MTUS2: variants seen among roughly 807,000 people sequenced by gnomAD.
The protein encoded by MTUS2 is microtubule-associated tumor suppressor candidate 2.
MTUS2 carries 40 observed loss-of-function variants against 114.1 expected under a neutral mutation model. That is an observed-to-expected ratio of 0.35 (90% confidence interval 0.27 to 0.46). The LOEUF (loss-of-function observed/expected upper bound fraction) is 0.46, where lower values mean the gene tolerates loss of function less well. Among genes scored for constraint, MTUS2 ranks in the 20% least tolerant of loss-of-function variants. MTUS2 has a pLI of 1.00. For missense variants in MTUS2, 1,679 were observed against 1,705.4 expected (o/e 0.98, Z 0.27); for synonymous variants, 688 against 672.0 (o/e 1.02, Z -0.37).
intron 9 of MTUS2, among the ~76,000 whole-genome samples, chr13:29,468,320 T>C (rs931026976): frequency 2.0e-5 from 3 of 152,082 alleles, no homozygotes; most frequent in African/African-American, 7.2e-5. Flanking sequence ...GGCTCACGCC[T>C]GTAATCCCAG....
At chr13:29,158,308 A>G (rs1892947827) in intron 5 of MTUS2, among the ~76,000 whole-genome samples, 1 of 146,050 alleles carries the variant, frequency 6.8e-6, no homozygotes, top group Non-Finnish European at 1.5e-5. Flanking sequence ...CCACAATTCC[A>G]CGAGATAGGT....
chr13:29,180,592 C>T (rs1464598202), intron 5 of MTUS2, among the ~76,000 whole-genome samples: 1 of 152,158 alleles, frequency 6.6e-6, no homozygotes, highest in Non-Finnish European at 1.5e-5. Context: ...TAGCATGTGA[C>T]ACCGTGCTTC....
chr13:28,915,700 C>T (rs1880706994), intron 2 of MTUS2, among the ~76,000 whole-genome samples: 1 of 151,840 alleles, frequency 6.6e-6, no homozygotes. Flanking sequence ...GGTTATTAAT[C>T]CCTTTTCAGA....
rs547265728 is a variant in MTUS2, at chr13:29,026,480, C to T, written c.1782C>T (p.Pro594=). Residue 594 remains proline, a synonymous_variant, in exon 3 of 16, where the codon CCC becomes CCT. Coordinates refer to ENST00000612955, the MANE Select transcript of MTUS2 (RefSeq NM_001033602.4). ...SPKVPDKNTC[P]SGIPKPVFTH... ...AAGTGCCTGACAAGAACACTTGCCC[C>T]AGTGGGATCCCCAAGCCTGTCTTCA... 1.2e-6 allele frequency: 2 copies of T among 1,613,982 alleles called. No individual in the cohort carries two copies. Among genetic ancestry groups the T allele is most frequent in the South Asian group, 2.2e-5 (2 of 91,080 alleles).
chr13:29,213,282 C>T (rs1202541768), intron 5 of MTUS2, among the ~76,000 whole-genome samples: 1 of 152,204 alleles, frequency 6.6e-6, no homozygotes, highest in East Asian at 1.9e-4. Flanking sequence ...TCTTGGTAAA[C>T]ATTTCATGCC....
At chr13:29,035,319 T>G (rs1347889732) in intron 4 of MTUS2, among the ~76,000 whole-genome samples, 1 of 152,224 alleles carries the variant, frequency 6.6e-6, no homozygotes, top group Non-Finnish European at 1.5e-5. Flanking sequence ...GCATGGAAGA[T>G]GTCACATGCC....
At position 29,497,272 on chromosome 13, in the gene MTUS2, C is replaced by A. The variant is rs1240522730; in HGVS notation, c.3614C>A (p.Ser1205Tyr). 7 of 1,612,056 alleles carry A rather than the reference C, an allele frequency of 4.3e-6. No individual in the cohort carries two copies. The Admixed American group carries it at 6.7e-5, about 15-fold the overall frequency. ...GACACGCTGACCTTCCAGAGCCAGT[C>A]TCTGCGGGACAGAGCCCGCCGCTTC... ...QVDTLTFQSQ[S>Y]LRDRARRFEE... Residue 1205 changes from serine (S) to tyrosine (Y), a missense_variant, in exon 13 of 16, where the codon TCT becomes TAT. Coordinates refer to ENST00000612955, the MANE Select transcript of MTUS2 (RefSeq NM_001033602.4).
intron 2 of MTUS2, among the ~76,000 whole-genome samples, chr13:28,844,445 T>C (rs978362769): frequency 6.6e-6 from 1 of 151,012 alleles, no homozygotes; most frequent in Non-Finnish European, 1.5e-5. Context: ...GTGTATTTAA[T>C]GTTCAGTTGC....
At chr13:29,308,366 A>G (rs1437102345) in intron 6 of MTUS2, among the ~76,000 whole-genome samples, 4 of 152,228 alleles carry the variant, frequency 2.6e-5, no homozygotes, top group Admixed American at 1.3e-4. Context: ...CAGAAAAACG[A>G]AAATGGACCC....
intron 2 of MTUS2, among the ~76,000 whole-genome samples, chr13:28,981,397 A>AG (rs1471582770): frequency 6.6e-6 from 1 of 152,132 alleles, no homozygotes; most frequent in Non-Finnish European, 1.5e-5. Context: ...CCAGGGGCTG[A>AG]GGGCACAGGG....
At position 29,452,688 on chromosome 13, in the gene MTUS2, C is replaced by T. The variant is rs1878807247; in HGVS notation, c.3184+12639C>T. Among the ~76,000 whole-genome samples the T allele has an allele frequency of 5.3e-5, 8 of 151,924 alleles. No individual in the cohort carries two copies. The South Asian group carries it at 1.7e-3, about 32-fold the overall frequency. Reference sequence around the variant, plus strand: ...CGAACTCCTGGACTCAAATGATCCTCCTGCCTCAGCCTCCCAAAGTGCTGG... The same window carrying T: ...CGAACTCCTGGACTCAAATGATCCTTCTGCCTCAGCCTCCCAAAGTGCTGG... On this transcript the variant is annotated intron_variant, in intron 9 of 15. Coordinates refer to ENST00000612955, the MANE Select transcript of MTUS2 (RefSeq NM_001033602.4).
intron 5 of MTUS2, among the ~76,000 whole-genome samples, chr13:29,121,405 C>T (rs1219071661): frequency 6.6e-6 from 1 of 151,040 alleles, no homozygotes. Context: ...CTCCTTATTT[C>T]CCTATATCAA....
chr13:29,117,108 T>C (rs1289300321), intron 5 of MTUS2, among the ~76,000 whole-genome samples: 2 of 152,198 alleles, frequency 1.3e-5, no homozygotes, highest in Non-Finnish European at 2.9e-5. Context: ...CATGATACTT[T>C]CTCTAGTTTG....
intron 2 of MTUS2, among the ~76,000 whole-genome samples, chr13:29,010,180 C>T (rs958937493): frequency 7.6e-5 from 11 of 144,964 alleles, no homozygotes; most frequent in Non-Finnish European, 1.5e-4. Flanking sequence ...CACTGCACTC[C>T]AGCCTGGGCG....
At chr13:29,255,142 C>T (rs1057016946) in intron 5 of MTUS2, among the ~76,000 whole-genome samples, 28 of 152,170 alleles carry the variant, frequency 1.8e-4, no homozygotes, top group Admixed American at 1.8e-3. Context: ...ACAGCAGCCC[C>T]TGTAATTGCA....
rs1593326848 is a variant in MTUS2, at chr13:29,343,477, A to G, written c.2906-15785A>G. ...ATAGTAGCCTGGAATGATCTTTTGT[A>G]TCTCTGTGGTATCAGTTATAGTATC... On this transcript the variant is annotated intron_variant, in intron 7 of 15. Coordinates refer to ENST00000612955, the MANE Select transcript of MTUS2 (RefSeq NM_001033602.4). Among the ~76,000 whole-genome samples, 6 of 151,704 alleles carry G rather than the reference A, an allele frequency of 4.0e-5. No homozygotes were observed. The East Asian group carries it at 9.7e-4, about 25-fold the overall frequency.
chr13:29,488,442 T>TC (rs968507525), intron 11 of MTUS2, among the ~76,000 whole-genome samples: 2 of 145,394 alleles, frequency 1.4e-5, no homozygotes, highest in African/African-American at 5.1e-5. Flanking sequence ...TTCCTCTTTT[T>TC]TTTTTTTTTT....
chr13:29,178,508 G>T (rs1893867336), intron 5 of MTUS2, among the ~76,000 whole-genome samples: 2 of 152,062 alleles, frequency 1.3e-5, no homozygotes, highest in African/African-American at 4.8e-5. Context: ...ATTCTTCGCT[G>T]TTGGGGGCTG....
chr13:29,438,503 T>C (rs1455478470), intron 8 of MTUS2, among the ~76,000 whole-genome samples: 1 of 152,184 alleles, frequency 6.6e-6, no homozygotes, highest in Non-Finnish European at 1.5e-5. Flanking sequence ...TAGTACCTTC[T>C]GGCTGTATCC....
Sources: allele counts gnomAD v4.1 joint callset (sites outside exome capture counted in the v4.1 genomes callset), GRCh38; gene constraint gnomAD v4.1.1; transcripts MANE v1.5; gene names NCBI Gene and HGNC (gene_info 2026-07-23, HGNC 2026-07-21).